The following PKP2 variants were observed in gnomAD, a reference collection of about 807,000 sequenced individuals.
PKP2 encodes plakophilin-2.
Under a neutral mutation model 83.4 loss-of-function variants are expected in PKP2, and 73 were observed. That is an observed-to-expected ratio of 0.88 (90% CI 0.72 to 1.06). The LOEUF (loss-of-function observed/expected upper bound fraction) is 1.06, where lower values mean the gene tolerates loss of function less well. Ranked by LOEUF, PKP2 falls within the 50% of genes least tolerant of loss-of-function variation. PKP2 has a pLI of 0.00. For synonymous variants in PKP2, 409 were observed against 430.4 expected, an observed-to-expected ratio of 0.95 and a Z score of 0.62; for missense variants, 966 against 1,065.4, an observed-to-expected ratio of 0.91 and a Z score of 1.30.
At chr12:32,840,983 T>C (rs763449474) in intron 6 of PKP2, 45 bp downstream of exon 6, 2 of 1,509,726 alleles carry the variant, frequency 1.3e-6, no homozygotes, top group African/African-American at 1.4e-5. Flanking sequence ...GGCTACCTAA[T>C]TTTTTATTGC....
intron 4 of PKP2, among the ~76,000 whole-genome samples, chr12:32,855,312 G>T (rs1421302181): frequency 6.6e-6 from 1 of 152,106 alleles, no homozygotes; most frequent in African/African-American, 2.4e-5. Flanking sequence ...CACTTTATTA[G>T]CCATACAGTT....
intron 1 of PKP2, among the ~76,000 whole-genome samples, chr12:32,888,608 G>A (rs558907060): frequency 1.8e-4 from 28 of 151,646 alleles, no homozygotes; most frequent in African/African-American, 6.3e-4. Flanking sequence ...TCCTGCCTCA[G>A]CCTCCCAAGT....
chr12:32,802,744 C>T (rs573867642), intron 9 of PKP2, among the ~76,000 whole-genome samples, 188 bp from the exon 10 acceptor site: 59 of 152,180 alleles, frequency 3.9e-4, no homozygotes, highest in African/African-American at 1.4e-3. Flanking sequence ...CCACAACCTC[C>T]ACCTCCCAGG....
intron 6 of PKP2, among the ~76,000 whole-genome samples, chr12:32,827,260 TGGGACTTATCA>T (rs981956285): frequency 6.6e-6 from 1 of 152,206 alleles, no homozygotes; most frequent in Non-Finnish European, 1.5e-5. Flanking sequence ...TTGCTTGAAA[TGGGACTTATCA>T]GGGGTTTCTG....
rs369190443 is a variant in PKP2, at chr12:32,873,143, A to G, written c.1035-4081T>C. On this transcript the variant is annotated intron_variant, in intron 3 of 12. Coordinates refer to ENST00000340811, the MANE Select transcript of PKP2 (RefSeq NM_001005242.3). The stretch of plus-strand genomic sequence containing the variant: ...GAGACAGGGTCTCACTCTGTTGCCC[A>G]GGCTGGAGTGCAGTGTCACGATCAT... 2.7e-4 allele frequency among the ~76,000 whole-genome samples: 41 copies of G among 152,174 alleles called. 3 individuals are homozygous for G. Among genetic ancestry groups the G allele is most frequent in the Admixed American group, 2.2e-3 (33 of 15,270 alleles).
intron 4 of PKP2, among the ~76,000 whole-genome samples, chr12:32,861,555 A>G (rs918158193): frequency 1.3e-5 from 2 of 152,210 alleles, no homozygotes; most frequent in African/African-American, 2.4e-5. Context: ...AACACAGAGA[A>G]AGAAGACTAA....
intron 5 of PKP2, among the ~76,000 whole-genome samples, chr12:32,842,538 C>A (rs1956604507): frequency 6.6e-6 from 1 of 151,710 alleles, no homozygotes; most frequent in Non-Finnish European, 1.5e-5. Flanking sequence ...ATTGCCTGGC[C>A]CGCCTCATTA....
In PKP2 at chr12:32,792,088, T is replaced by C. The variant is rs1039466958; in HGVS notation, c.*336A>G. On this transcript the variant is annotated 3_prime_UTR_variant, in exon 13 of 13. Transcript: ENST00000340811. ...ATAAATGTAAATCAAACTTTTAAAA[T>C]CCCAGTAATGCAACAGCTTCTTTCC... The C allele has an allele frequency of 1.6e-5, 6 of 367,750 alleles. No individual in the cohort carries two copies. The highest frequency in any genetic ancestry group is 3.1e-5 in the Non-Finnish European group (6 of 195,490). 22.8% of individuals were successfully genotyped at this position (367,750 alleles called of 1,614,324 possible).
chr12:32,891,402 C>A (rs1294316862), intron 1 of PKP2, among the ~76,000 whole-genome samples: 2 of 151,960 alleles, frequency 1.3e-5, no homozygotes, highest in Admixed American at 6.6e-5. Flanking sequence ...GAAAAAAAAT[C>A]AAAACTTTTA....
At chr12:32,844,604 T>C (rs147909494) in intron 5 of PKP2, among the ~76,000 whole-genome samples, 479 of 152,306 alleles carry the variant, frequency 3.1e-3, no homozygotes, top group African/African-American at 0.011. Context: ...TCACTGAAAG[T>C]ATAAACTTCT....
At chr12:32,851,112 G>T in intron 4 of PKP2, 139 bp from the exon 5 acceptor site, 2 of 727,530 alleles carry the variant, frequency 2.7e-6, no homozygotes, top group Non-Finnish European at 4.8e-6. Context: ...CACAACTGAG[G>T]CTCTTGTAGA....
chr12:32,884,636 C>G (rs1055314686), intron 1 of PKP2, among the ~76,000 whole-genome samples: 1 of 152,118 alleles, frequency 6.6e-6, no homozygotes, highest in African/African-American at 2.4e-5. Flanking sequence ...CTTTTCTCCT[C>G]TACACAAGCA....
At chr12:32,804,541 G>A (rs1257586502) in intron 9 of PKP2, among the ~76,000 whole-genome samples, 2 of 152,098 alleles carry the variant, frequency 1.3e-5, no homozygotes, top group African/African-American at 2.4e-5. Context: ...TATAAGTGAG[G>A]CCACGTGGTA....
intron 6 of PKP2, among the ~76,000 whole-genome samples, chr12:32,834,960 AG>A (rs200345394): frequency 0.015 from 2,088 of 142,588 alleles, 61 homozygotes; most frequent in African/African-American, 0.053. Context: ...AAAAAAAAAA[AG>A]GGACTCACAA....
chr12:32,860,953 G>A (rs753831390), intron 4 of PKP2, among the ~76,000 whole-genome samples: 9 of 152,080 alleles, frequency 5.9e-5, no homozygotes, highest in South Asian at 2.1e-4. Flanking sequence ...ACTTGAACTC[G>A]GGAGGTGGAG....
intron 6 of PKP2, among the ~76,000 whole-genome samples, chr12:32,839,058 A>T (rs6488097): frequency 9.9e-5 from 15 of 151,992 alleles, no homozygotes; most frequent in Admixed American, 9.2e-4. Context: ...ATCTAAGGAA[A>T]AGCAAGCACT....
At chr12:32,825,271 C>G (rs182560650) in intron 6 of PKP2, among the ~76,000 whole-genome samples, 1 of 148,598 alleles carries the variant, frequency 6.7e-6, no homozygotes, top group Non-Finnish European at 1.5e-5. Context: ...CGGGTTCAAG[C>G]GATTCTCCTG....
Position 32,818,977 on chromosome 12 carries a change from A to G in PKP2, c.2013+2379T>C, listed in dbSNP as rs147090316. On this transcript the variant is annotated intron_variant, in intron 9 of 12. Coordinates refer to ENST00000340811, the MANE Select transcript of PKP2 (RefSeq NM_001005242.3). ...TCAAAATTTTAAAAAGCATCCCGTAACTTAAAAGAATAAAGGGAGGCTGAG... is the reference window on the plus strand; with the variant it reads ...TCAAAATTTTAAAAAGCATCCCGTAGCTTAAAAGAATAAAGGGAGGCTGAG... 4.9e-4 allele frequency among the ~76,000 whole-genome samples: 74 copies of G among 152,270 alleles called. No individual in the cohort carries two copies. In the East Asian group the frequency reaches 0.012, roughly 25 times the overall value.
intron 9 of PKP2, among the ~76,000 whole-genome samples, chr12:32,818,909 A>C (rs898301318): frequency 1.3e-5 from 2 of 152,194 alleles, no homozygotes; most frequent in Non-Finnish European, 2.9e-5. Context: ...ACAGCATCTA[A>C]GCATACAAAA....
Sources: gnomAD v4.1 joint callset for allele counts (sites outside exome capture counted in the v4.1 genomes callset) on GRCh38, gnomAD v4.1.1 for gene constraint, MANE v1.5 for transcripts, NCBI Gene and HGNC (gene_info 2026-07-23, HGNC 2026-07-21) for gene names.